Variants in PARD6G observed in about 807,000 individuals in gnomAD.
The protein encoded by PARD6G is partitioning defective 6 homolog gamma.
A neutral mutation model predicts 10.7 loss-of-function variants in PARD6G; 7 were observed. That is an observed-to-expected ratio of 0.66 (90% CI 0.37 to 1.23). The LOEUF (loss-of-function observed/expected upper bound fraction) is 1.23. PARD6G is among the 50% of genes most tolerant of loss of function. The pLI is 0.02. For synonymous variants in PARD6G, 287 were observed against 269.4 expected, an observed-to-expected ratio of 1.07 and a Z score of -0.64; for missense variants, 548 against 571.8, an observed-to-expected ratio of 0.96 and a Z score of 0.42.
At chr18:80,194,326 C>T (rs1966930018) in intron 2 of PARD6G, among the ~76,000 whole-genome samples, 1 of 152,088 alleles carries the variant, frequency 6.6e-6, no homozygotes. Flanking sequence ...AATAAAGGTG[C>T]CAAATGGGCC....
intron 1 of PARD6G, among the ~76,000 whole-genome samples, chr18:80,244,661 T>C (rs1967524189): frequency 6.6e-6 from 1 of 152,110 alleles, no homozygotes. Flanking sequence ...TAACCGATGC[T>C]TGGAAAAGTT....
chr18:80,197,127 A>G (rs1436585047), intron 2 of PARD6G, among the ~76,000 whole-genome samples: 3 of 152,174 alleles, frequency 2.0e-5, no homozygotes, highest in Non-Finnish European at 4.4e-5. Flanking sequence ...GTGTCCGAGG[A>G]AAGAGACTAC....
chr18:80,217,139 A>C (rs1022222134), intron 1 of PARD6G, among the ~76,000 whole-genome samples: 5 of 152,230 alleles, frequency 3.3e-5, no homozygotes, highest in Admixed American at 3.3e-4. Context: ...GGTATGTCAA[A>C]GGGAAATAGA....
At chr18:80,232,775 T>TGGGCAGGATCAGAGGCTC (rs1369488902) in intron 1 of PARD6G, among the ~76,000 whole-genome samples, 1 of 152,134 alleles carries the variant, frequency 6.6e-6, no homozygotes, top group African/African-American at 2.4e-5. Context: ...CCAGCATTCA[T>TGGGCAGGATCAGAGGCTC]GGGCAGGATC....
At chr18:80,174,526 G>C (rs985040070) in intron 2 of PARD6G, among the ~76,000 whole-genome samples, 20 of 152,192 alleles carry the variant, frequency 1.3e-4, no homozygotes, top group African/African-American at 4.8e-4. Flanking sequence ...AGTGCACTGA[G>C]AAAAGACTCA....
chr18:80,194,947 C>T (rs1966937169), intron 2 of PARD6G, among the ~76,000 whole-genome samples: 1 of 152,162 alleles, frequency 6.6e-6, no homozygotes, highest in Non-Finnish European at 1.5e-5. Flanking sequence ...TAGAGAACAG[C>T]AGCGCCACTG....
At position 80,243,115 on chromosome 18, in the gene PARD6G, A is replaced by G. The variant is rs548732694; in HGVS notation, c.72+4162T>C. ...GTTTAATATAATCAATAATCTTTAC[A>G]TATTTTATATGTGTATATTCTATAT... On this transcript the variant is annotated intron_variant, in intron 1 of 2. Coordinates refer to ENST00000353265, the MANE Select transcript of PARD6G (RefSeq NM_032510.4). Among the ~76,000 whole-genome samples, 7 of 152,262 alleles carry G rather than the reference A, an allele frequency of 4.6e-5. No individual in the cohort carries two copies. The East Asian group carries it at 1.3e-3, about 29-fold the overall frequency.
rs1403889715 is a variant in PARD6G at position 80,180,640 on chromosome 18, T to C, written c.296-20034A>G. On this transcript the variant is annotated intron_variant, in intron 2 of 2. Transcript: ENST00000353265. This position sits in a 1 kb window ranked among gnomAD's most constrained non-coding sequence, Gnocchi z 5.6. Reference sequence around the variant, plus strand: ...AATGGCAGGGCTGCTCCCCACTCCCTGGAGGAAGTGAGCCTGACCCCCAGT... The same window carrying C: ...AATGGCAGGGCTGCTCCCCACTCCCCGGAGGAAGTGAGCCTGACCCCCAGT... 2.0e-5 allele frequency among the ~76,000 whole-genome samples: 3 copies of C among 152,128 alleles called. No homozygotes were observed. Among genetic ancestry groups the C allele is most frequent in the Non-Finnish European group, 4.4e-5 (3 of 68,008 alleles).
rs1241884773 is a variant in PARD6G at position 80,183,850 on chromosome 18, G to A, written c.295+18860C>T. On this transcript the variant is annotated intron_variant, in intron 2 of 2. Transcript: ENST00000353265. This position sits in a 1 kb window ranked among gnomAD's most constrained non-coding sequence, Gnocchi z 4.5. ...GCCCCAAGTCAGAAGTCAATTGGAT[G>A]TCTCTGTCTGAGCTGAGAGCACATG... is the stretch of plus-strand genomic sequence containing the variant. The A allele has an allele frequency of 1.3e-5, 2 of 152,284 alleles. No homozygotes were observed. Among genetic ancestry groups the A allele is most frequent in the Non-Finnish European group, 2.9e-5 (2 of 68,094 alleles). 9.4% of individuals were successfully genotyped at this position (152,284 alleles called of 1,614,324 possible). A position where few individuals can be genotyped will look rare whatever the true frequency, so the allele number is the denominator to read the frequency against.
At chr18:80,176,109 C>T (rs537726552) in intron 2 of PARD6G, among the ~76,000 whole-genome samples, 17 of 151,210 alleles carry the variant, frequency 1.1e-4, no homozygotes, top group African/African-American at 3.7e-4. Context: ...GACAGAAAAG[C>T]GGGGGTGGGG....
Position 80,188,722 on chromosome 18 carries a change from C to T in PARD6G, c.295+13988G>A, listed in dbSNP as rs1268182550. On this transcript the variant is annotated intron_variant, in intron 2 of 2. Coordinates refer to ENST00000353265, the MANE Select transcript of PARD6G (RefSeq NM_032510.4). The surrounding 1 kb of genome is among the most constrained non-coding windows in gnomAD (Gnocchi z 5.4). ...AGAGTTCACACGGCTTCTCAGGGGC[C>T]TGCATCTCAGAAGATGGGCAGCTCT... 2.0e-5 allele frequency among the ~76,000 whole-genome samples: 3 copies of T among 152,226 alleles called. No individual in the cohort carries two copies. The highest frequency in any genetic ancestry group is 4.4e-5 in the Non-Finnish European group (3 of 68,036).
intron 1 of PARD6G, among the ~76,000 whole-genome samples, chr18:80,225,809 C>G (rs1295287923): frequency 1.3e-5 from 2 of 152,194 alleles, no homozygotes; most frequent in South Asian, 4.1e-4. Context: ...ACAACACATA[C>G]AAAGAGGAAA....
chr18:80,234,397 A>C (rs1313440293), intron 1 of PARD6G, among the ~76,000 whole-genome samples: 2 of 152,222 alleles, frequency 1.3e-5, no homozygotes, highest in East Asian at 3.8e-4. Context: ...TAGGGACCTT[A>C]AATTCTGTAA....
chr18:80,236,302 T>G (rs978184655), intron 1 of PARD6G, among the ~76,000 whole-genome samples: 4 of 152,118 alleles, frequency 2.6e-5, no homozygotes. Context: ...AATTCAACAA[T>G]GCTTCATGCT....
At chr18:80,218,730 G>A (rs553925448) in intron 1 of PARD6G, among the ~76,000 whole-genome samples, 30 of 152,328 alleles carry the variant, frequency 2.0e-4, no homozygotes, top group Non-Finnish European at 3.5e-4. Flanking sequence ...TTTCCCTTCC[G>A]CACTGCTGTA....
At chr18:80,223,658 T>C (rs1967255985) in intron 1 of PARD6G, among the ~76,000 whole-genome samples, 1 of 152,136 alleles carries the variant, frequency 6.6e-6, no homozygotes, top group Non-Finnish European at 1.5e-5. Flanking sequence ...AGTCTGGGAG[T>C]TCTTCAAAAT....
Position 80,183,787 on chromosome 18 carries a change from T to C in PARD6G, c.295+18923A>G, listed in dbSNP as rs1568431298. 2 of 152,186 alleles carry C rather than the reference T, an allele frequency of 1.3e-5. No individual in the cohort carries two copies. The highest frequency in any genetic ancestry group is 2.9e-5 in the Non-Finnish European group (2 of 68,076). The allele number at this position is 152,186 out of a possible 1,614,324, so 9.4% of individuals were successfully genotyped here. A position where few individuals can be genotyped will look rare whatever the true frequency, so the allele number is the denominator to read the frequency against. On this transcript the variant is annotated intron_variant, in intron 2 of 2. Transcript: ENST00000353265. The surrounding 1 kb of genome is among the most constrained non-coding windows in gnomAD (Gnocchi z 4.5). ...TAAAAACAGTGGAAAATACAATAAA[T>C]AAGTCCTCTAAATAAAGCTGTGGTA...
intron 2 of PARD6G, among the ~76,000 whole-genome samples, chr18:80,187,059 T>C (rs1168231351): frequency 6.7e-6 from 1 of 149,328 alleles, no homozygotes; most frequent in African/African-American, 2.5e-5. Flanking sequence ...ATTGCGCCAC[T>C]GCACTCCAGC....
Position 80,245,678 on chromosome 18 carries a change from C to T in PARD6G, c.72+1599G>A, listed in dbSNP as rs1967536430. 2.0e-5 allele frequency among the ~76,000 whole-genome samples: 3 copies of T among 152,248 alleles called. No homozygotes were observed. In the South Asian group the frequency reaches 6.2e-4, roughly 32 times the overall value. ...AAAAGTTAAATAAGATTACATACCACACGTGCTTATTGTCTACTGTACTAG... is the reference window on the plus strand; with the variant it reads ...AAAAGTTAAATAAGATTACATACCATACGTGCTTATTGTCTACTGTACTAG... On this transcript the variant is annotated intron_variant, in intron 1 of 2. Coordinates refer to ENST00000353265, the MANE Select transcript of PARD6G (RefSeq NM_032510.4).
Sources: gnomAD v4.1 joint callset for allele counts (sites outside exome capture counted in the v4.1 genomes callset) on GRCh38, gnomAD v4.1.1 for gene constraint, Gnocchi (gnomAD v3.1) non-coding constraint, MANE v1.5 for transcripts, NCBI Gene and HGNC (gene_info 2026-07-23, HGNC 2026-07-21) for gene names.